KCNN2: variants seen among roughly 807,000 people sequenced by gnomAD.
KCNN2 encodes small conductance calcium-activated potassium channel protein 2.
Under a neutral mutation model 55.5 loss-of-function variants are expected in KCNN2, and 24 were observed. The ratio of observed to expected loss-of-function variants is 0.43; its 90% CI spans 0.31 to 0.61. KCNN2 has a LOEUF of 0.61. Among genes scored for constraint, KCNN2 ranks in the 20% least tolerant of loss-of-function variants. KCNN2 has a pLI of 0.08. For synonymous variants in KCNN2, 431 were observed against 336.1 expected (o/e 1.28, Z -3.09); for missense variants, 754 against 853.6 (o/e 0.88, Z 1.45).
At chr5:114,174,040 A>T (rs543733648) in intron 1 of KCNN2, among the ~76,000 whole-genome samples, 35 of 152,254 alleles carry the variant, frequency 2.3e-4, no homozygotes, top group African/African-American at 8.2e-4. Flanking sequence ...TCACAAATAA[A>T]TTCTAAATGA....
chr5:114,362,731 C>G lies in KCNN2; in HGVS notation c.592C>G (p.Gln198Glu). The G allele has an allele frequency of 6.5e-7, 1 of 1,527,992 alleles. No homozygotes were observed. Among genetic ancestry groups the G allele is most frequent in the Non-Finnish European group, 8.7e-7 (1 of 1,145,216 alleles). The allele number at this position is 1,527,992 out of a possible 1,614,324, so 94.7% of individuals were successfully genotyped here. The change falls in exon 1 of 8, where the codon CAG (glutamine) becomes GAG (glutamate). Residue 198 changes from glutamine to glutamate, a missense_variant. Physicochemically the swap from Gln to Glu is conservative, Grantham distance 29. This residue lies in a region of KCNN2 where 381 missense variants were observed against 259.1 expected (regional missense o/e 1.47). Coordinates refer to ENST00000673685, the MANE Select transcript of KCNN2 (RefSeq NM_021614.4). ...GCACCCGGCGCACCACCAGCACCAC[C>G]AGCCCCAGGCGCGCCGCGAGAGCAA... Reference protein sequence around the residue: ...HPHPAHHQHHQPQARRESNPF... With the variant: ...HPHPAHHQHHEPQARRESNPF...
intron 1 of KCNN2, among the ~76,000 whole-genome samples, chr5:114,190,428 G>A (rs1480514869): frequency 6.6e-6 from 1 of 152,028 alleles, no homozygotes; most frequent in East Asian, 1.9e-4. Flanking sequence ...CGTAGATATA[G>A]CCCCCAAAAT....
intron 1 of KCNN2, among the ~76,000 whole-genome samples, chr5:114,198,265 TTA>T (rs369962216): frequency 1.2e-4 from 18 of 148,422 alleles, no homozygotes; most frequent in South Asian, 2.1e-4. Context: ...TAGTATTCCA[TTA>T]TATATATATA....
intron 5 of KCNN2, among the ~76,000 whole-genome samples, chr5:114,479,230 A>AC (rs1554058347): frequency 1.3e-5 from 2 of 151,194 alleles, no homozygotes; most frequent in Admixed American, 1.3e-4. Flanking sequence ...AAACTATAAA[A>AC]AAAAAAAAAG....
At chr5:114,367,045 C>G (rs1160713230) in intron 2 of KCNN2, among the ~76,000 whole-genome samples, 1 of 152,140 alleles carries the variant, frequency 6.6e-6, no homozygotes, top group Non-Finnish European at 1.5e-5. Flanking sequence ...TCTATGTCCT[C>G]TGGAATTGCT....
At chr5:114,242,164 A>G (rs1754658575) in intron 2 of KCNN2, among the ~76,000 whole-genome samples, 1 of 151,870 alleles carries the variant, frequency 6.6e-6, no homozygotes, top group African/African-American at 2.4e-5. Context: ...CCTGCTTATT[A>G]TTATTTAGAG....
intron 2 of KCNN2, among the ~76,000 whole-genome samples, chr5:114,319,922 A>T (rs895585842): frequency 6.6e-6 from 1 of 152,162 alleles, no homozygotes; most frequent in African/African-American, 2.4e-5. Flanking sequence ...TAGTCAAAGG[A>T]AGGAATCCAG....
At chr5:114,488,472 G>A (rs1351966609) in intron 6 of KCNN2, among the ~76,000 whole-genome samples, 2 of 152,122 alleles carry the variant, frequency 1.3e-5, no homozygotes, top group Non-Finnish European at 2.9e-5. Flanking sequence ...GAAAAACACA[G>A]AAAGGAACAT....
chr5:114,085,624 A>C (rs1177938521), intron 1 of KCNN2, among the ~76,000 whole-genome samples: 3 of 152,046 alleles, frequency 2.0e-5, no homozygotes, highest in Admixed American at 2.0e-4. Context: ...TTTAATTTTA[A>C]CTTTTTAAAA....
chr5:114,104,058 G>A (rs1751429688), intron 1 of KCNN2, among the ~76,000 whole-genome samples: 1 of 151,850 alleles, frequency 6.6e-6, no homozygotes, highest in African/African-American at 2.4e-5. Flanking sequence ...TTGGTCCTAC[G>A]CTTTTTTTGG....
At chr5:114,250,565 A>G (rs573714788) in intron 2 of KCNN2, among the ~76,000 whole-genome samples, 23 of 152,342 alleles carry the variant, frequency 1.5e-4, no homozygotes, top group African/African-American at 5.3e-4. Flanking sequence ...AGCTGATAAT[A>G]TGAAAAGGTA....
intron 1 of KCNN2, among the ~76,000 whole-genome samples, chr5:114,096,408 A>G (rs1393885412): frequency 1.3e-5 from 2 of 152,170 alleles, no homozygotes; most frequent in Non-Finnish European, 2.9e-5. Context: ...TCAATTTACA[A>G]GTTCTATTAC....
chr5:114,345,684 T>G (rs1418577538), intron 2 of KCNN2, among the ~76,000 whole-genome samples: 1 of 152,228 alleles, frequency 6.6e-6, no homozygotes, highest in Non-Finnish European at 1.5e-5. Flanking sequence ...ACTGTGTAAT[T>G]TCTAAAGAAA....
chr5:114,312,799 C>T (rs1388227720), intron 2 of KCNN2, among the ~76,000 whole-genome samples: 3 of 152,078 alleles, frequency 2.0e-5, no homozygotes, highest in Admixed American at 2.0e-4. Flanking sequence ...TTATGTGCTG[C>T]CTTTCAAAGT....
intron 1 of KCNN2, among the ~76,000 whole-genome samples, chr5:114,087,331 T>C (rs1473660369): frequency 6.6e-6 from 1 of 152,196 alleles, no homozygotes; most frequent in Non-Finnish European, 1.5e-5. Context: ...TTTTGATGAC[T>C]TAATTATGAA....
At chr5:114,479,926 C>A (rs763501236) in intron 5 of KCNN2, among the ~76,000 whole-genome samples, 87 of 151,838 alleles carry the variant, frequency 5.7e-4, no homozygotes, top group African/African-American at 1.9e-3. Flanking sequence ...ACACCAAAAG[C>A]CAGAAAGATT....
chr5:114,309,911 A>G (rs1157047166), intron 2 of KCNN2, among the ~76,000 whole-genome samples: 1 of 152,198 alleles, frequency 6.6e-6, no homozygotes, highest in Non-Finnish European at 1.5e-5. Context: ...ACGAAAATAG[A>G]GGTGGAATGG....
intron 3 of KCNN2, among the ~76,000 whole-genome samples, chr5:114,430,216 A>AG (rs1303656934): frequency 6.6e-6 from 1 of 152,078 alleles, no homozygotes; most frequent in Non-Finnish European, 1.5e-5. Context: ...TCAAGTTAGA[A>AG]GAACTGAAAT....
At chr5:114,296,938 C>T (rs1473444181) in intron 2 of KCNN2, among the ~76,000 whole-genome samples, 2 of 152,094 alleles carry the variant, frequency 1.3e-5, no homozygotes, top group Admixed American at 6.5e-5. Flanking sequence ...TATATGCAGC[C>T]TTGGCAGGTC....
Sources: gnomAD v4.1 joint callset for allele counts (sites outside exome capture counted in the v4.1 genomes callset) on GRCh38, gnomAD v4.1.1 for gene constraint, gnomAD v4.1.1 regional missense constraint, MANE v1.5 for transcripts, NCBI Gene and HGNC (gene_info 2026-07-23, HGNC 2026-07-21) for gene names.